TMEM163: variants seen among roughly 807,000 people sequenced by gnomAD.
TMEM163 encodes transmembrane protein 163.
A neutral mutation model predicts 29.3 loss-of-function variants in TMEM163; 17 were observed. The ratio of observed to expected loss-of-function variants is 0.58; its 90% CI spans 0.40 to 0.87. TMEM163 has a LOEUF of 0.87. Among genes scored for constraint, TMEM163 ranks in the 40% least tolerant of loss-of-function variants. TMEM163 has a pLI of 0.00. For synonymous variants in TMEM163, 157 were observed against 160.6 expected, an observed-to-expected ratio of 0.98 and a Z score of 0.17; for missense variants, 303 against 381.5, an observed-to-expected ratio of 0.79 and a Z score of 1.71.
chr2:134,652,182 C>G (rs77911908), intron 2 of TMEM163, among the ~76,000 whole-genome samples: 32,439 of 85,148 alleles, frequency 0.38, 8,231 homozygotes, highest in Non-Finnish European at 0.47. Context: ...CATGAGCATG[C>G]AATGTTCTTC....
chr2:134,652,727 C>A (rs1683509545), intron 2 of TMEM163, among the ~76,000 whole-genome samples: 1 of 130,598 alleles, frequency 7.7e-6, no homozygotes, highest in South Asian at 2.6e-4. Context: ...CCCATCAATA[C>A]CTAATTTATT....
intron 2 of TMEM163, among the ~76,000 whole-genome samples, chr2:134,635,672 C>A (rs1214456846): frequency 2.6e-5 from 4 of 152,064 alleles, no homozygotes; most frequent in African/African-American, 9.7e-5. Flanking sequence ...TAAGCCCATG[C>A]AGAAAGAAAT....
chr2:134,632,698 G>T (rs867467964), intron 2 of TMEM163, among the ~76,000 whole-genome samples: 1 of 151,668 alleles, frequency 6.6e-6, no homozygotes, highest in African/African-American at 2.4e-5. Context: ...ATTCATGGTG[G>T]CAAAGCCTCA....
intron 2 of TMEM163, among the ~76,000 whole-genome samples, chr2:134,679,461 C>G (rs542883695): frequency 7.9e-5 from 12 of 152,014 alleles, no homozygotes; most frequent in Non-Finnish European, 1.8e-4. Flanking sequence ...AGGCCACCCA[C>G]TTCAATCATT....
intron 2 of TMEM163, among the ~76,000 whole-genome samples, chr2:134,557,545 A>G (rs1681073760): frequency 6.6e-6 from 1 of 152,182 alleles, no homozygotes; most frequent in Non-Finnish European, 1.5e-5. Flanking sequence ...TCTGTTCGGA[A>G]AGCAGGACAA....
At chr2:134,543,994 A>C (rs1680729419) in intron 4 of TMEM163, among the ~76,000 whole-genome samples, 1 of 152,124 alleles carries the variant, frequency 6.6e-6, no homozygotes, top group African/African-American at 2.4e-5. Context: ...CCAGGTGAAC[A>C]ACATCTCCCA....
At chr2:134,542,622 G>A (rs1029922007) in intron 4 of TMEM163, among the ~76,000 whole-genome samples, 1 of 152,154 alleles carries the variant, frequency 6.6e-6, no homozygotes, top group Admixed American at 6.5e-5. Flanking sequence ...AATGTAATGT[G>A]CTTGAATCAT....
intron 2 of TMEM163, among the ~76,000 whole-genome samples, chr2:134,691,901 C>G (rs376731431): frequency 1.3e-5 from 2 of 152,176 alleles, no homozygotes; most frequent in South Asian, 2.1e-4. Flanking sequence ...AACCTGTGCA[C>G]GTTACCTTAA....
chr2:134,498,974 T>C (rs1248311329), intron 5 of TMEM163, among the ~76,000 whole-genome samples: 1 of 152,170 alleles, frequency 6.6e-6, no homozygotes, highest in Admixed American at 6.5e-5. Flanking sequence ...CTCAGGAAGA[T>C]CACTTCAGCT....
At chr2:134,675,524 T>C (rs1171670437) in intron 2 of TMEM163, among the ~76,000 whole-genome samples, 1 of 152,190 alleles carries the variant, frequency 6.6e-6, no homozygotes, top group African/African-American at 2.4e-5. Flanking sequence ...CAATGATTTC[T>C]CAAGGGACCG....
intron 2 of TMEM163, among the ~76,000 whole-genome samples, chr2:134,683,267 G>C (rs920167877): frequency 3.9e-5 from 6 of 152,118 alleles, no homozygotes; most frequent in Non-Finnish European, 7.3e-5. Flanking sequence ...TGATGTGTCT[G>C]TGTAGGTTCA....
At chr2:134,633,046 C>G (rs1683007951) in intron 2 of TMEM163, among the ~76,000 whole-genome samples, 1 of 151,962 alleles carries the variant, frequency 6.6e-6, no homozygotes, top group Non-Finnish European at 1.5e-5. Context: ...GCGTGAGCCA[C>G]TGCACCAGGC....
intron 4 of TMEM163, among the ~76,000 whole-genome samples, chr2:134,548,095 A>C (rs778524423): frequency 6.6e-6 from 1 of 152,250 alleles, no homozygotes; most frequent in Non-Finnish European, 1.5e-5. Flanking sequence ...ATTATGTATT[A>C]TTAGCTCTAA....
chr2:134,632,738 GTTC>G (rs1464129190), intron 2 of TMEM163, among the ~76,000 whole-genome samples: 6 of 150,540 alleles, frequency 4.0e-5, no homozygotes, highest in African/African-American at 1.5e-4. Context: ...AAGGCCCTAT[GTTC>G]TTTTTTTTTT....
chr2:134,713,972 T>C (rs1684984881), intron 1 of TMEM163, among the ~76,000 whole-genome samples: 1 of 152,182 alleles, frequency 6.6e-6, no homozygotes, highest in Non-Finnish European at 1.5e-5. Context: ...TGTCAAAAAA[T>C]TCTCAGAATA....
intron 2 of TMEM163, among the ~76,000 whole-genome samples, chr2:134,681,172 T>A (rs900592604): frequency 6.6e-6 from 1 of 152,144 alleles, no homozygotes; most frequent in African/African-American, 2.4e-5. Flanking sequence ...TTTCTCCAAA[T>A]GTCCAACACA....
chr2:134,489,738 C>A (rs17787224), intron 5 of TMEM163, among the ~76,000 whole-genome samples: 17,479 of 152,258 alleles, frequency 0.11, 1,245 homozygotes, highest in South Asian at 0.2. Context: ...ACCTGCACAT[C>A]ATCTGTTCAC....
chr2:134,534,234 T>A (rs910939493), intron 4 of TMEM163, among the ~76,000 whole-genome samples: 1 of 151,826 alleles, frequency 6.6e-6, no homozygotes, highest in East Asian at 1.9e-4. Context: ...TTTTAGGAAA[T>A]GCAGCTGATA....
At chr2:134,482,412 T>C (rs929127232) in intron 5 of TMEM163, among the ~76,000 whole-genome samples, 1 of 152,116 alleles carries the variant, frequency 6.6e-6, no homozygotes, top group Non-Finnish European at 1.5e-5. Flanking sequence ...ACACTTCCTT[T>C]TTCATGAGAT....
Sources: gnomAD v4.1 joint callset for allele counts (sites outside exome capture counted in the v4.1 genomes callset) on GRCh38, gnomAD v4.1.1 for gene constraint, MANE v1.5 for transcripts, NCBI Gene and HGNC (gene_info 2026-07-23, HGNC 2026-07-21) for gene names.